The following PITHD1 variants were observed in gnomAD, a reference collection of about 807,000 sequenced individuals.
PITHD1 encodes PITH domain containing 1.
In PITHD1, 8 loss-of-function variants were observed where a neutral mutation model predicts 27.5. That is an observed-to-expected ratio of 0.29 (90% CI 0.17 to 0.52). The LOEUF (loss-of-function observed/expected upper bound fraction) is 0.52, where lower values mean the gene tolerates loss of function less well. Ranked by LOEUF, PITHD1 falls within the 20% of genes least tolerant of loss-of-function variation. PITHD1 has a pLI of 0.96. For synonymous variants in PITHD1, 118 were observed against 106.8 expected, an observed-to-expected ratio of 1.10 and a Z score of -0.64; for missense variants, 233 against 283.9, an observed-to-expected ratio of 0.82 and a Z score of 1.29.
chr1:23,785,693 G>A lies in PITHD1; in HGVS notation c.339G>A (p.Gln113=). 1 of 1,601,726 alleles carries A rather than the reference G, an allele frequency of 6.2e-7. No individual in the cohort carries two copies. The highest frequency in any genetic ancestry group is 8.6e-7 in the Non-Finnish European group (1 of 1,168,994). ...TTCTCAGGTACAAGAATATTCCACA[G>A]ATGTCCTTTGATGATACAGAAAGGG... ...SEMRLYKNIP[Q]MSFDDTEREP... Residue 113 remains glutamine (Q), a synonymous_variant, in exon 4 of 6, where the codon CAG becomes CAA. Transcript: ENST00000246151.
At chr1:23,782,285 G>A (rs774287479) in intron 3 of PITHD1, among the ~76,000 whole-genome samples, 1 of 152,146 alleles carries the variant, frequency 6.6e-6, no homozygotes, top group Non-Finnish European at 1.5e-5. Context: ...CAGTCATGGT[G>A]GCAGTCGCCT....
At chr1:23,780,943 T>C (rs1459372674) in intron 3 of PITHD1, among the ~76,000 whole-genome samples, 2 of 151,960 alleles carry the variant, frequency 1.3e-5, no homozygotes. Flanking sequence ...GGTTCACACC[T>C]GTAATCCCAG....
At chr1:23,786,465 T>C in intron 5 of PITHD1, 42 bp downstream of exon 5, 1 of 882,964 alleles carries the variant, frequency 1.1e-6, no homozygotes, top group Non-Finnish European at 1.8e-6. Flanking sequence ...TGTCTACATA[T>C]CTGCACACTG....
At chr1:23,783,224 C>T (rs1570611796) in intron 3 of PITHD1, among the ~76,000 whole-genome samples, 1 of 150,568 alleles carries the variant, frequency 6.6e-6, no homozygotes, top group Non-Finnish European at 1.5e-5. Context: ...GTCTCGATCT[C>T]CTGACCTTGT....
At chr1:23,783,038 C>T (rs1477047990) in intron 3 of PITHD1, among the ~76,000 whole-genome samples, 2 of 151,694 alleles carry the variant, frequency 1.3e-5, no homozygotes, top group Admixed American at 1.3e-4. Context: ...ACTGTGTCGC[C>T]CAGGCTGGAG....
chr1:23,779,800 G>T, intron 2 of PITHD1, 64 bp from the exon 3 acceptor site: 1 of 1,208,050 alleles, frequency 8.3e-7, no homozygotes, highest in South Asian at 1.2e-5. Context: ...TCTTGCCCAG[G>T]GTCACACAAC....
At position 23,778,437 on chromosome 1, in the gene PITHD1, C is replaced by A. The variant is rs573277041; in HGVS notation, c.-79C>A. ...GCGCTTAGTTGCCGGAGCTGAACGG[C>A]GCGGAGCTGGTCTGAGGCGAGCCGA... On this transcript the variant is annotated 5_prime_UTR_variant, in exon 1 of 6. Transcript: ENST00000246151. 1.1e-3 allele frequency: 1,164 copies of A among 1,029,420 alleles called. 7 individuals carry two copies. The African/African-American group carries it at 0.013, about 11-fold the overall frequency. 63.8% of individuals were successfully genotyped at this position (1,029,420 alleles called of 1,614,324 possible).
chr1:23,779,027 T>A (rs1638555348), intron 1 of PITHD1, among the ~76,000 whole-genome samples: 1 of 152,182 alleles, frequency 6.6e-6, no homozygotes, highest in Non-Finnish European at 1.5e-5. Flanking sequence ...TGCCTCATCA[T>A]ATTACCTGGT....
chr1:23,779,784 G>A, intron 2 of PITHD1, 80 bp from the exon 3 acceptor site: 5 of 1,005,954 alleles, frequency 5.0e-6, no homozygotes, highest in Non-Finnish European at 8.0e-6. Flanking sequence ...CCATACAGGG[G>A]AAGGGTCTTG....
chr1:23,780,078 T>G (rs2148399150), intron 3 of PITHD1, 137 bp downstream of exon 3: 1 of 635,316 alleles, frequency 1.6e-6, no homozygotes, highest in African/African-American at 1.8e-5. Context: ...CCTGTTCTCA[T>G]TCTGCATTGG....
At chr1:23,786,947 G>A (rs1348248151) in intron 5 of PITHD1, among the ~76,000 whole-genome samples, 1 of 152,054 alleles carries the variant, frequency 6.6e-6, no homozygotes, top group Admixed American at 6.6e-5. Flanking sequence ...CTTTCATTGA[G>A]TATTTTTGAT....
intron 3 of PITHD1, among the ~76,000 whole-genome samples, chr1:23,783,359 ATATATATATACACATATATGTG>A (rs1337918820): frequency 4.9e-5 from 7 of 142,622 alleles, no homozygotes; most frequent in Non-Finnish European, 7.5e-5. Flanking sequence ...ATATATACGC[ATATATATATACACATATATGTG>A]TATATATACA....
At chr1:23,784,012 T>G (rs1638647944) in intron 3 of PITHD1, among the ~76,000 whole-genome samples, 1 of 152,180 alleles carries the variant, frequency 6.6e-6, no homozygotes, top group Non-Finnish European at 1.5e-5. Context: ...TATGTACTAT[T>G]ACCATTCCCA....
In PITHD1 at chr1:23,787,577, C is replaced by T. The variant is rs1173217735; in HGVS notation, c.*201C>T. On this transcript the variant is annotated 3_prime_UTR_variant, in exon 6 of 6. Coordinates refer to ENST00000246151, the MANE Select transcript of PITHD1 (RefSeq NM_020362.5). ...GGTTGTGTAGGTGCCAGGGGACCAT[C>T]GTGGTTCTCTAGGGCGCTGTGGAAA... 22 of 418,142 alleles carry T rather than the reference C, an allele frequency of 5.3e-5. No homozygotes were observed. The Admixed American group carries it at 6.2e-4, about 12-fold the overall frequency. 25.9% of individuals were successfully genotyped at this position (418,142 alleles called of 1,614,324 possible).
At position 23,778,599 on chromosome 1, in the gene PITHD1, C is replaced by A; in HGVS notation, c.84C>A (p.Ala28=). ...AGCCGCCCGAGCAGCGCGGCCTGGC[C>A]TACGGCCTGTACCTGCGCATCGACC... is the stretch of plus-strand genomic sequence containing the variant. The part of the protein sequence containing the change: ...REEPPEQRGL[A]YGLYLRIDLE... The change falls in exon 1 of 6, where the codon GCC becomes GCA. Residue 28 remains alanine (A), a synonymous_variant. Coordinates refer to ENST00000246151, the MANE Select transcript of PITHD1 (RefSeq NM_020362.5). 7.5e-7 allele frequency: 1 copy of A among 1,330,216 alleles called. No homozygotes were observed. The highest frequency in any genetic ancestry group is 9.6e-7 in the Non-Finnish European group (1 of 1,041,590). The allele number at this position is 1,330,216 out of a possible 1,614,324, so 82.4% of individuals were successfully genotyped here. A position where few individuals can be genotyped will look rare whatever the true frequency, so the allele number is the denominator to read the frequency against.
intron 3 of PITHD1, among the ~76,000 whole-genome samples, chr1:23,784,569 A>G (rs1219727548): frequency 2.0e-5 from 3 of 152,040 alleles, no homozygotes; most frequent in Non-Finnish European, 4.4e-5. Flanking sequence ...ATTTTGCCCC[A>G]GCTAATATCG....
At chr1:23,780,182 C>G (rs1375516049) in intron 3 of PITHD1, among the ~76,000 whole-genome samples, 1 of 152,238 alleles carries the variant, frequency 6.6e-6, no homozygotes, top group African/African-American at 2.4e-5. Flanking sequence ...CTTACTATGA[C>G]ATGATTCATT....
At chr1:23,781,816 T>A (rs1242335290) in intron 3 of PITHD1, among the ~76,000 whole-genome samples, 2 of 152,146 alleles carry the variant, frequency 1.3e-5, no homozygotes, top group Non-Finnish European at 2.9e-5. Flanking sequence ...CATACATACC[T>A]CATAAGATTG....
Position 23,780,011 on chromosome 1 carries a change from A to G in PITHD1, c.320+70A>G, listed in dbSNP as rs1638572686. The G allele has an allele frequency of 4.3e-6, 4 of 920,818 alleles. No homozygotes were observed. In the South Asian group the frequency reaches 5.4e-5, roughly 12 times the overall value. The allele number at this position is 920,818 out of a possible 1,614,324, so 57.0% of individuals were successfully genotyped here. A position where few individuals can be genotyped will look rare whatever the true frequency, so the allele number is the denominator to read the frequency against. ...TTTTTCTGGTAACATTTTATTCCAG[A>G]ATAGTATCATTTTCTTCTTACCGGG... is the stretch of plus-strand genomic sequence containing the variant. On this transcript the variant is annotated intron_variant, in intron 3 of 5. Coordinates refer to ENST00000246151, the MANE Select transcript of PITHD1 (RefSeq NM_020362.5).
Sources: allele counts gnomAD v4.1 joint callset (sites outside exome capture counted in the v4.1 genomes callset), GRCh38; gene constraint gnomAD v4.1.1; transcripts MANE v1.5; gene names NCBI Gene and HGNC (gene_info 2026-07-23, HGNC 2026-07-21).